Variants in CCNH observed in about 807,000 individuals in gnomAD.
CCNH encodes the protein cyclin-H.
A neutral mutation model predicts 41.9 loss-of-function variants in CCNH; 31 were observed. That is an observed-to-expected ratio of 0.74 (90% CI 0.56 to 1.00). CCNH has a LOEUF of 1.00. Ranked by LOEUF, CCNH falls within the 50% of genes least tolerant of loss-of-function variation. The pLI is 0.00. For synonymous variants in CCNH, 138 were observed against 136.1 expected (o/e 1.01, Z -0.10); for missense variants, 362 against 388.4 (o/e 0.93, Z 0.57).
At chr5:87,336,742 T>A (rs1033372105) in intron 9 of CCNH, among the ~76,000 whole-genome samples, 4 of 152,204 alleles carry the variant, frequency 2.6e-5, no homozygotes, top group Admixed American at 6.5e-5. Context: ...TTACTCATAA[T>A]GATTTTCTTT....
chr5:87,394,386 C>CTTA lies in CCNH; in HGVS notation c.*59_*60insTAA. On this transcript the variant is annotated 3_prime_UTR_variant, in exon 9 of 9. Coordinates refer to ENST00000256897, the MANE Select transcript of CCNH (RefSeq NM_001239.4). ...ATTATACTTTTTAAATAAAGTTAAA[C>CTTA]GTTTGATATGCTTCCTACTTCTCTT... The CTTA allele has an allele frequency of 2.5e-6, 4 of 1,573,462 alleles. No individual in the cohort carries two copies. Among genetic ancestry groups the CTTA allele is most frequent in the Non-Finnish European group, 3.5e-6 (4 of 1,159,240 alleles).
chr5:87,405,058 A>G (rs1763692017), intron 4 of CCNH, 51 bp from the exon 5 acceptor site: 2 of 1,324,350 alleles, frequency 1.5e-6, no homozygotes, highest in African/African-American at 3.0e-5. Context: ...TAAATGGAGT[A>G]TAACAACAGT....
At chr5:87,321,732 C>A (rs1756826592) in intron 9 of CCNH, among the ~76,000 whole-genome samples, 1 of 152,242 alleles carries the variant, frequency 6.6e-6, no homozygotes, top group Non-Finnish European at 1.5e-5. Context: ...TCTTGCTCAC[C>A]TTCTTGCCCA....
chr5:87,381,978 G>T (rs1319246888), upstream of CCNH, among the ~76,000 whole-genome samples: 2 of 152,074 alleles, frequency 1.3e-5, no homozygotes, highest in Admixed American at 6.6e-5. Flanking sequence ...TTGAGACAGG[G>T]TCTTGCTCTG....
rs141516104 is a variant in CCNH at position 87,385,851 on chromosome 5, A to T, written c.*90+6919T>A. The stretch of plus-strand genomic sequence containing the variant: ...TAATACGTGACAGACTTCTTGCCAT[A>T]TGTGGAAATAGATAACTCTTTCACT... On this transcript the variant is annotated intron_variant and NMD_transcript_variant, in intron 9 of 9. Coordinates refer to the CCNH transcript ENST00000645953. Among the ~76,000 whole-genome samples the T allele has an allele frequency of 8.1e-3, 1,225 of 152,166 alleles. 41 individuals carry two copies. The highest frequency in any genetic ancestry group is 0.06 in the Admixed American group (919 of 15,262).
At chr5:87,396,355 C>T (rs1338303144) in intron 7 of CCNH, among the ~76,000 whole-genome samples, 4 of 152,228 alleles carry the variant, frequency 2.6e-5, no homozygotes, top group Non-Finnish European at 5.9e-5. Context: ...GGTGCAGTGG[C>T]TCACGCCTGT....
intron 5 of CCNH, among the ~76,000 whole-genome samples, chr5:87,402,653 T>G (rs1763501974): frequency 1.3e-5 from 2 of 152,188 alleles, no homozygotes; most frequent in Non-Finnish European, 1.5e-5. Flanking sequence ...GGTAACTGTT[T>G]GATATTACAT....
chr5:87,360,124 G>GTT (rs755443447), intron 9 of CCNH, among the ~76,000 whole-genome samples: 5,202 of 132,598 alleles, frequency 0.039, 236 homozygotes, highest in African/African-American at 0.1. Flanking sequence ...TCAAAATGCA[G>GTT]TTTTTTTTTT....
intron 9 of CCNH, among the ~76,000 whole-genome samples, chr5:87,337,280 G>A (rs895337315): frequency 4.6e-5 from 7 of 152,028 alleles, no homozygotes; most frequent in Middle Eastern, 3.4e-3. Context: ...TTCAGTAAAA[G>A]GAAACTAAGT....
chr5:87,333,366 G>A (rs780610035), intron 9 of CCNH: 1 of 1,609,198 alleles, frequency 6.2e-7, no homozygotes, highest in Non-Finnish European at 8.5e-7. Flanking sequence ...TCATGTATAG[G>A]CATTTGAAAG....
At chr5:87,317,382 C>T (rs999640653), downstream of CCNH, among the ~76,000 whole-genome samples, 12 of 152,244 alleles carry the variant, frequency 7.9e-5, no homozygotes, top group South Asian at 4.1e-4. Flanking sequence ...ATCAAAATTA[C>T]ATATTTTCAA....
intron 9 of CCNH, among the ~76,000 whole-genome samples, chr5:87,320,008 AC>A (rs1561278426): frequency 4.6e-5 from 7 of 152,142 alleles, no homozygotes; most frequent in Non-Finnish European, 1.0e-4. Context: ...TCTGCCAGGT[AC>A]CCTAAATCAT....
chr5:87,320,615 G>A (rs1045356519), intron 9 of CCNH, among the ~76,000 whole-genome samples: 7 of 152,134 alleles, frequency 4.6e-5, no homozygotes, highest in Admixed American at 2.0e-4. Context: ...TTACTATCAC[G>A]AGAACAGCAA....
intron 9 of CCNH, chr5:87,332,630 T>G (rs1462981952): frequency 6.2e-7 from 1 of 1,610,598 alleles, no homozygotes; most frequent in East Asian, 2.2e-5. Flanking sequence ...TTTACCCAGT[T>G]GCACCACCAG....
At chr5:87,388,386 T>C (rs1415395022), downstream of CCNH, among the ~76,000 whole-genome samples, 1 of 152,184 alleles carries the variant, frequency 6.6e-6, no homozygotes, top group Non-Finnish European at 1.5e-5. Flanking sequence ...TTAGTGTCGA[T>C]AATAAAGTAC....
downstream of CCNH, among the ~76,000 whole-genome samples, chr5:87,387,231 T>C (rs1371913055): frequency 1.3e-5 from 2 of 152,106 alleles, no homozygotes; most frequent in African/African-American, 2.4e-5. Context: ...CTCCTTAGCT[T>C]TTTTACTTTG....
intron 9 of CCNH, among the ~76,000 whole-genome samples, chr5:87,336,860 A>G (rs1758012974): frequency 6.6e-6 from 1 of 152,092 alleles, no homozygotes; most frequent in Non-Finnish European, 1.5e-5. Flanking sequence ...GAAGGATTGT[A>G]GAATCAAGAT....
At chr5:87,411,425 T>C (rs907604999) in intron 1 of CCNH, 79 bp from the exon 2 acceptor site, 3 of 1,401,068 alleles carry the variant, frequency 2.1e-6, no homozygotes, top group African/African-American at 1.5e-5. Flanking sequence ...TCTATCTAGA[T>C]TAAATTTAGT....
intron 9 of CCNH, among the ~76,000 whole-genome samples, chr5:87,364,324 G>A (rs1760341779): frequency 6.6e-6 from 1 of 152,050 alleles, no homozygotes; most frequent in African/African-American, 2.4e-5. Context: ...GTGTGTTTAG[G>A]AGATCACATT....
Sources: gnomAD v4.1 joint callset for allele counts (sites outside exome capture counted in the v4.1 genomes callset) on GRCh38, gnomAD v4.1.1 for gene constraint, MANE v1.5 for transcripts, NCBI Gene and HGNC (gene_info 2026-07-23, HGNC 2026-07-21) for gene names.